Variants in FAM171B observed in about 807,000 individuals in gnomAD.
FAM171B encodes family with sequence similarity 171 member B.
FAM171B carries 19 observed loss-of-function variants against 75.6 expected under a neutral mutation model. The observed-to-expected ratio is 0.25, with a 90% CI of 0.18 to 0.37. The LOEUF (loss-of-function observed/expected upper bound fraction) is 0.37. FAM171B is among the 10% of genes least tolerant of loss of function. FAM171B has a pLI of 1.00. For missense variants in FAM171B, 848 were observed against 982.4 expected (o/e 0.86, Z 1.83); for synonymous variants, 367 against 361.7 (o/e 1.01, Z -0.17).
intron 2 of FAM171B, among the ~76,000 whole-genome samples, chr2:186,741,056 G>C (rs1690282114): frequency 6.6e-6 from 1 of 152,008 alleles, no homozygotes; most frequent in African/African-American, 2.4e-5. Flanking sequence ...TTAAGAGTGA[G>C]TGATATTATG....
intron 1 of FAM171B, 128 bp downstream of exon 1, chr2:186,694,539 T>C (rs1431738037): frequency 2.3e-6 from 3 of 1,313,268 alleles, no homozygotes; most frequent in Admixed American, 5.5e-5. Flanking sequence ...CCTCCCGATC[T>C]CTCTCCCCAG....
chr2:186,748,757 T>C (rs893912338), intron 4 of FAM171B, among the ~76,000 whole-genome samples: 1 of 152,194 alleles, frequency 6.6e-6, no homozygotes, highest in Non-Finnish European at 1.5e-5. Context: ...AATAAACTAT[T>C]TGCCCTCAAA....
At chr2:186,751,792 A>T (rs1359737631) in intron 5 of FAM171B, among the ~76,000 whole-genome samples, 1 of 152,134 alleles carries the variant, frequency 6.6e-6, no homozygotes, top group Non-Finnish European at 1.5e-5. Flanking sequence ...CTGGAAATAT[A>T]TGTATATTTT....
chr2:186,729,657 G>T (rs1482556120), intron 1 of FAM171B, among the ~76,000 whole-genome samples: 1 of 151,900 alleles, frequency 6.6e-6, no homozygotes, highest in Non-Finnish European at 1.5e-5. Flanking sequence ...TTCAGCTGAG[G>T]TTTTTTTTGT....
chr2:186,741,900 A>ATT (rs1422332371), intron 2 of FAM171B, among the ~76,000 whole-genome samples: 1 of 152,174 alleles, frequency 6.6e-6, no homozygotes, highest in Non-Finnish European at 1.5e-5. Context: ...TTTTGTAATA[A>ATT]TAGTGAAATG....
chr2:186,728,196 CA>C (rs1313218918), intron 1 of FAM171B, among the ~76,000 whole-genome samples: 1 of 152,118 alleles, frequency 6.6e-6, no homozygotes, highest in Middle Eastern at 3.2e-3. Flanking sequence ...ATATTAGTGT[CA>C]TTTTTTGATA....
At chr2:186,744,996 A>T (rs1442921667) in intron 3 of FAM171B, among the ~76,000 whole-genome samples, 1 of 151,594 alleles carries the variant, frequency 6.6e-6, no homozygotes, top group African/African-American at 2.4e-5. Context: ...ACGCCTGGCT[A>T]ATTTCTTATT....
intron 1 of FAM171B, among the ~76,000 whole-genome samples, chr2:186,730,239 G>A (rs1285772773): frequency 9.9e-5 from 15 of 152,250 alleles, no homozygotes; most frequent in African/African-American, 2.2e-4. Flanking sequence ...GATTACAGGC[G>A]TGAGCCACCA....
intron 6 of FAM171B, among the ~76,000 whole-genome samples, chr2:186,755,979 G>C (rs1167638748): frequency 6.6e-6 from 1 of 152,066 alleles, no homozygotes; most frequent in African/African-American, 2.4e-5. Flanking sequence ...AAATATTGAT[G>C]AAAAACAATA....
At chr2:186,739,347 T>C (rs1690252859) in intron 1 of FAM171B, among the ~76,000 whole-genome samples, 1 of 152,218 alleles carries the variant, frequency 6.6e-6, no homozygotes, top group South Asian at 2.1e-4. Flanking sequence ...CTTAGCTTAC[T>C]ATAAGTTCAT....
intron 1 of FAM171B, among the ~76,000 whole-genome samples, chr2:186,709,783 C>A (rs1689785225): frequency 6.6e-6 from 1 of 152,166 alleles, no homozygotes; most frequent in Admixed American, 6.5e-5. Flanking sequence ...TTCCACACCC[C>A]ACCACAAGGC....
Position 186,762,942 on chromosome 2 carries a change from C to A in FAM171B, c.*119C>A. On this transcript the variant is annotated 3_prime_UTR_variant, in exon 8 of 8. Transcript: ENST00000304698. The surrounding 1 kb of genome is among the most constrained non-coding windows in gnomAD (Gnocchi z 4.0). ...AATCTCATGGTTCTTGGACATGTCTCAAGCAGAGTAAATGGTAATTCAGTA... is the reference window on the plus strand; with the variant it reads ...AATCTCATGGTTCTTGGACATGTCTAAAGCAGAGTAAATGGTAATTCAGTA... 8.3e-7 allele frequency: 1 copy of A among 1,209,748 alleles called. No individual in the cohort carries two copies. Among genetic ancestry groups the A allele is most frequent in the Non-Finnish European group, 1.2e-6 (1 of 864,864 alleles). 74.9% of individuals were successfully genotyped at this position (1,209,748 alleles called of 1,614,324 possible).
At position 186,761,246 on chromosome 2, in the gene FAM171B, T is replaced by A; in HGVS notation, c.1136+10T>A. The A allele has an allele frequency of 1.9e-6, 3 of 1,611,850 alleles. No homozygotes were observed. Among genetic ancestry groups the A allele is most frequent in the Non-Finnish European group, 1.7e-6 (2 of 1,178,948 alleles). On this transcript the variant is annotated intron_variant, in intron 7 of 7. Transcript: ENST00000304698. The stretch of plus-strand genomic sequence containing the variant: ...TACTTTGTTATTGCAGGTAAGAAAA[T>A]GGCTATAAACACAGAAAACTATCAA...
At chr2:186,745,506 C>A (rs1330670956) in intron 3 of FAM171B, among the ~76,000 whole-genome samples, 1 of 152,208 alleles carries the variant, frequency 6.6e-6, no homozygotes, top group Non-Finnish European at 1.5e-5. Flanking sequence ...ATTCTCAGAT[C>A]ACTTCCTTTT....
At chr2:186,725,812 G>T (rs1690024690) in intron 1 of FAM171B, among the ~76,000 whole-genome samples, 1 of 152,212 alleles carries the variant, frequency 6.6e-6, no homozygotes, top group South Asian at 2.1e-4. Context: ...GTGAATAAAT[G>T]CTTGTGATTC....
chr2:186,752,261 G>A (rs922209656), intron 5 of FAM171B, among the ~76,000 whole-genome samples: 1 of 152,098 alleles, frequency 6.6e-6, no homozygotes, highest in Non-Finnish European at 1.5e-5. Flanking sequence ...GTTGAAGCTG[G>A]ATGGGACCCT....
chr2:186,713,680 G>A (rs1689838523), intron 1 of FAM171B, among the ~76,000 whole-genome samples: 1 of 152,122 alleles, frequency 6.6e-6, no homozygotes, highest in Non-Finnish European at 1.5e-5. Flanking sequence ...ATATGTTTCT[G>A]TAGTAAGAAG....
Position 186,764,268 on chromosome 2 carries a change from T to C in FAM171B, c.*1445T>C, listed in dbSNP as rs1690666683. 6.6e-6 allele frequency: 1 copy of C among 151,980 alleles called. No individual in the cohort carries two copies. Among genetic ancestry groups the C allele is most frequent in the Admixed American group, 6.6e-5 (1 of 15,218 alleles). 9.4% of individuals were successfully genotyped at this position (151,980 alleles called of 1,614,324 possible). A position where few individuals can be genotyped will look rare whatever the true frequency, so the allele number is the denominator to read the frequency against. ...ACCCAAACCATGTAAACAAGTTCAGTGAACCAAAACAGCCACATTAGCTTC... is the reference window on the plus strand; with the variant it reads ...ACCCAAACCATGTAAACAAGTTCAGCGAACCAAAACAGCCACATTAGCTTC... On this transcript the variant is annotated 3_prime_UTR_variant, in exon 8 of 8. Coordinates refer to ENST00000304698, the MANE Select transcript of FAM171B (RefSeq NM_177454.4).
At chr2:186,752,765 T>A (rs1450637522) in intron 5 of FAM171B, among the ~76,000 whole-genome samples, 1 of 152,236 alleles carries the variant, frequency 6.6e-6, no homozygotes, top group Non-Finnish European at 1.5e-5. Context: ...TTTCTCTACC[T>A]TATTAAAATA....
Sources: allele counts gnomAD v4.1 joint callset (sites outside exome capture counted in the v4.1 genomes callset), GRCh38; gene constraint gnomAD v4.1.1; non-coding constraint Gnocchi (gnomAD v3.1); transcripts MANE v1.5; gene names NCBI Gene and HGNC (gene_info 2026-07-23, HGNC 2026-07-21).